The following TCF4 variants were observed in gnomAD, a reference collection of about 807,000 sequenced individuals.
TCF4 encodes transcription factor 4.
Under a neutral mutation model 82.1 loss-of-function variants are expected in TCF4, and 3 were observed. The ratio of observed to expected loss-of-function variants is 0.04; its 90% confidence interval spans 0.02 to 0.09. The LOEUF is 0.09. TCF4 is among the 10% of genes least tolerant of loss of function. TCF4 has a pLI of 1.00. For missense variants in TCF4, 518 were observed against 852.7 expected (o/e 0.61, Z 4.89); for synonymous variants, 276 against 309.6 (o/e 0.89, Z 1.14).
intron 15 of TCF4, among the ~76,000 whole-genome samples, chr18:55,244,062 T>G (rs1467613959): frequency 6.6e-6 from 1 of 152,100 alleles, no homozygotes; most frequent in Non-Finnish European, 1.5e-5. Context: ...AAAAAAAAAG[T>G]ACAATGTTAA....
At chr18:55,382,979 G>C (rs1039523000) in intron 6 of TCF4, among the ~76,000 whole-genome samples, 1 of 152,232 alleles carries the variant, frequency 6.6e-6, no homozygotes, top group African/African-American at 2.4e-5. Context: ...CAGCTACTTA[G>C]GATTTGAGTT....
At chr18:55,545,724 A>G (rs547104919) in intron 3 of TCF4, among the ~76,000 whole-genome samples, 1 of 152,160 alleles carries the variant, frequency 6.6e-6, no homozygotes, top group African/African-American at 2.4e-5. Context: ...TGCTGGGATT[A>G]CAGGCGTGAG....
intron 2 of TCF4, among the ~76,000 whole-genome samples, chr18:55,595,129 A>G (rs1388633353): frequency 2.0e-5 from 3 of 152,254 alleles, no homozygotes; most frequent in Admixed American, 2.0e-4. Flanking sequence ...GATTAGAAGG[A>G]GCCTTCTCTG....
At chr18:55,427,431 C>T (rs1001369764) in intron 5 of TCF4, among the ~76,000 whole-genome samples, 3 of 152,082 alleles carry the variant, frequency 2.0e-5, no homozygotes, top group Non-Finnish European at 4.4e-5. Context: ...TGATTTTCCC[C>T]GTGCCAAACA....
intron 5 of TCF4, chr18:55,422,357 T>C (rs1462582911): frequency 7.1e-6 from 7 of 984,940 alleles, no homozygotes; most frequent in African/African-American, 3.5e-5. Context: ...TGTTTTACTA[T>C]GTACATTTAA....
At chr18:55,621,619 T>TGTATA (rs2097719483) in intron 2 of TCF4, among the ~76,000 whole-genome samples, 1 of 21,852 alleles carries the variant, frequency 4.6e-5, no homozygotes, top group Non-Finnish European at 8.3e-5. Flanking sequence ...TATATAATAT[T>TGTATA]ATATATAATA....
chr18:55,236,447 T>C (rs556370296), intron 15 of TCF4, among the ~76,000 whole-genome samples: 1 of 149,914 alleles, frequency 6.7e-6, no homozygotes, highest in Admixed American at 6.6e-5. Flanking sequence ...TGGCGTTAAG[T>C]ACAAACCTTT....
chr18:55,540,365 T>C lies in TCF4; in HGVS notation c.145+44915A>G, dbSNP rs182601553. On this transcript the variant is annotated intron_variant, in intron 3 of 19. Coordinates refer to ENST00000354452, the MANE Select transcript of TCF4 (RefSeq NM_001083962.2). ...AATTATGATATTTTGTCTAATAGAG[T>C]AAATGACTGTTCACTATCTGCCCAA... Among the ~76,000 whole-genome samples the C allele has an allele frequency of 2.3e-3, 351 of 152,108 alleles. 1 individual carries two copies. In the Middle Eastern group the frequency reaches 0.041, roughly 18 times the overall value.
chr18:55,315,290 G>A (rs1383337465), intron 8 of TCF4, among the ~76,000 whole-genome samples: 2 of 152,146 alleles, frequency 1.3e-5, no homozygotes, highest in Non-Finnish European at 1.5e-5. Flanking sequence ...TGTTAGAGGC[G>A]TAGTGTCTCT....
At chr18:55,509,702 C>A (rs1206955318) in intron 3 of TCF4, among the ~76,000 whole-genome samples, 4 of 152,116 alleles carry the variant, frequency 2.6e-5, no homozygotes, top group Non-Finnish European at 5.9e-5. Flanking sequence ...TAATATCATT[C>A]CTCAAAATCT....
At chr18:55,317,440 G>A (rs967074516) in intron 8 of TCF4, among the ~76,000 whole-genome samples, 1 of 151,950 alleles carries the variant, frequency 6.6e-6, no homozygotes, top group African/African-American at 2.4e-5. Flanking sequence ...AATGCCAAAT[G>A]TAATTTGCAT....
intron 8 of TCF4, among the ~76,000 whole-genome samples, chr18:55,320,486 C>T (rs10502999): frequency 0.033 from 5,049 of 152,312 alleles, 263 homozygotes; most frequent in South Asian, 0.16. Context: ...CACCTTCAAA[C>T]AGTTGTGTAT....
chr18:55,340,387 T>G (rs2079624025), intron 8 of TCF4, among the ~76,000 whole-genome samples: 1 of 151,656 alleles, frequency 6.6e-6, no homozygotes, highest in African/African-American at 2.4e-5. Context: ...TTGCAGAGCC[T>G]GGGAAACACA....
intron 5 of TCF4, among the ~76,000 whole-genome samples, chr18:55,425,187 C>T (rs1469364511): frequency 6.6e-6 from 1 of 152,150 alleles, no homozygotes; most frequent in African/African-American, 2.4e-5. Context: ...GAGAAAGTGT[C>T]CTACCTAAAA....
At chr18:55,510,763 A>G in intron 3 of TCF4, 1 of 1,278,772 alleles carries the variant, frequency 7.8e-7, no homozygotes. Context: ...ACAGAACATG[A>G]GTTAATGATG....
intron 2 of TCF4, among the ~76,000 whole-genome samples, chr18:55,613,540 G>A (rs1015608257): frequency 2.6e-5 from 4 of 152,144 alleles, no homozygotes; most frequent in East Asian, 1.9e-4. Flanking sequence ...AAATGAGACT[G>A]GGTAATTTAT....
intron 6 of TCF4, among the ~76,000 whole-genome samples, chr18:55,360,372 T>C (rs1167862333): frequency 6.6e-6 from 1 of 152,156 alleles, no homozygotes; most frequent in African/African-American, 2.4e-5. Flanking sequence ...AATTAAAATT[T>C]TGGTGTGTTT....
At chr18:55,282,067 C>T (rs1436416529) in intron 8 of TCF4, among the ~76,000 whole-genome samples, 1 of 151,930 alleles carries the variant, frequency 6.6e-6, no homozygotes, top group East Asian at 1.9e-4. Flanking sequence ...TATACATTTT[C>T]TTTATATCAT....
chr18:55,451,230 C>T (rs1286504156), intron 5 of TCF4, among the ~76,000 whole-genome samples: 7 of 152,188 alleles, frequency 4.6e-5, no homozygotes, highest in Non-Finnish European at 1.0e-4. Context: ...ATTACCCAGA[C>T]GAAAATGACA....
Sources: gnomAD v4.1 joint callset for allele counts (sites outside exome capture counted in the v4.1 genomes callset) on GRCh38, gnomAD v4.1.1 for gene constraint, MANE v1.5 for transcripts, NCBI Gene and HGNC (gene_info 2026-07-23, HGNC 2026-07-21) for gene names.